Variants in LRP1B observed in about 807,000 individuals in gnomAD.
LRP1B encodes LDL receptor related protein 1B, also known as low-density lipoprotein receptor-related protein 1B.
A neutral mutation model predicts 556.6 loss-of-function variants in LRP1B; 217 were observed. The observed-to-expected ratio is 0.39, with a 90% CI of 0.35 to 0.44. LRP1B has a LOEUF of 0.44. Ranked by LOEUF, LRP1B falls within the 20% of genes least tolerant of loss-of-function variation. LRP1B has a pLI of 1.00. For missense variants in LRP1B, 5,053 were observed against 5,620.8 expected (o/e 0.90, Z 3.23); for synonymous variants, 2,047 against 1,865.8 (o/e 1.10, Z -2.50).
At chr2:142,128,164 C>T (rs983042622) in intron 1 of LRP1B, among the ~76,000 whole-genome samples, 2 of 152,096 alleles carry the variant, frequency 1.3e-5, no homozygotes, top group African/African-American at 4.8e-5. Context: ...GAGTTAGTTT[C>T]AAGCCTTGTT....
Position 140,699,786 on chromosome 2 carries a change from T to C in LRP1B, c.6799+464A>G, listed in dbSNP as rs919682483. On this transcript the variant is annotated intron_variant, in intron 41 of 90. Transcript: ENST00000389484. ...TGCTACATATACATGATATATCATA[T>C]ATAATATATATTATATATATATTTT... 3.4e-5 allele frequency among the ~76,000 whole-genome samples: 5 copies of C among 147,632 alleles called. No homozygotes were observed. The South Asian group carries it at 1.0e-3, about 31-fold the overall frequency.
rs1492387 is a variant in LRP1B at position 140,285,469 on chromosome 2, A to G, written c.12968-10871T>C. ...AACAGATTATGTAGAAGTGATTATT[A>G]TTTAATCAGAATTCACTAAAATATT... On this transcript the variant is annotated intron_variant, in intron 84 of 90. Transcript: ENST00000389484. Among the ~76,000 whole-genome samples, 977 of 151,636 alleles carry G rather than the reference A, an allele frequency of 6.4e-3. 10 individuals carry two copies. Among genetic ancestry groups the G allele is most frequent in the African/African-American group, 0.021 (857 of 41,466 alleles).
rs1331480695 is a variant in LRP1B, at chr2:140,769,223, A to T, written c.5748T>A (p.Asp1916Glu). Residue 1916 changes from aspartate to glutamate, a missense_variant, in exon 35 of 91, where the codon GAT (aspartate) becomes GAA (glutamate). Around this residue, in one of 5 missense-constraint regions of LRP1B, gnomAD observed 3,619 missense variants for 3,931.9 expected, o/e 0.92. Transcript: ENST00000389484. Reference protein sequence around the residue: ...ISGTSFAVGIDFHAENDTIYW... With the variant: ...ISGTSFAVGIEFHAENDTIYW... The stretch of plus-strand genomic sequence containing the variant: ...TAAAAAGCTATTTACCTGCATGGAA[A>T]TCTATTCCCACGGCAAATGAAGTTC... 2 of 1,611,558 alleles carry T rather than the reference A, an allele frequency of 1.2e-6. No homozygotes were observed. The highest frequency in any genetic ancestry group is 1.7e-6 in the Non-Finnish European group (2 of 1,178,404).
chr2:140,397,185 ATC>A (rs1258434229), intron 66 of LRP1B, among the ~76,000 whole-genome samples: 1 of 152,006 alleles, frequency 6.6e-6, no homozygotes, highest in African/African-American at 2.4e-5. Context: ...ATTTTTTCTA[ATC>A]TCTATTTTTA....
In LRP1B at chr2:140,700,340, C is replaced by G. The variant is rs1686587070; in HGVS notation, c.6709G>C (p.Gly2237Arg). The change falls in exon 41 of 91, where the codon GGT (glycine) becomes CGT (arginine). Residue 2237 changes from glycine (G) to arginine (R), a missense_variant. Gly to Arg is a moderately radical substitution (Grantham distance 125). Transcript: ENST00000389484. ...LAFDYNQRRK[G>R]TNRIFYSDAH... ...TCACTGTAAAAGATTCGGTTGGTAC[C>G]TTTTCTTCTTTGATTATAGTCAAAA... 1.2e-6 allele frequency: 2 copies of G among 1,612,930 alleles called. No homozygotes were observed. The highest frequency in any genetic ancestry group is 2.7e-5 in the African/African-American group (2 of 74,890).
chr2:140,250,338 C>T (rs1407991165), intron 86 of LRP1B, among the ~76,000 whole-genome samples: 1 of 151,676 alleles, frequency 6.6e-6, no homozygotes, highest in Non-Finnish European at 1.5e-5. Flanking sequence ...ATCATTGGAT[C>T]AGGAACAGAT....
At chr2:142,093,846 G>A (rs1330067801) in intron 1 of LRP1B, among the ~76,000 whole-genome samples, 1 of 152,070 alleles carries the variant, frequency 6.6e-6, no homozygotes, top group African/African-American at 2.4e-5. Context: ...AGAAGATATG[G>A]TGCAGGCAAT....
intron 29 of LRP1B, among the ~76,000 whole-genome samples, chr2:140,848,398 T>C (rs1224522514): frequency 6.6e-6 from 1 of 152,190 alleles, no homozygotes; most frequent in Non-Finnish European, 1.5e-5. Flanking sequence ...AACCATTCAA[T>C]AAATTTTTTT....
At chr2:142,036,614 T>C (rs1417636226) in intron 1 of LRP1B, among the ~76,000 whole-genome samples, 4 of 151,734 alleles carry the variant, frequency 2.6e-5, no homozygotes, top group Non-Finnish European at 5.9e-5. Flanking sequence ...TACAATCTTA[T>C]AAATTAAAAC....
chr2:141,890,323 C>CATACATATATATATATATATAT (rs1170715951), intron 1 of LRP1B, among the ~76,000 whole-genome samples: 1 of 83,818 alleles, frequency 1.2e-5, no homozygotes, highest in African/African-American at 4.4e-5. Flanking sequence ...GGGCACAATA[C>CATACATATATATATATATATAT]ATATATATAT....
At chr2:141,099,240 T>G (rs1032123999) in intron 7 of LRP1B, among the ~76,000 whole-genome samples, 4 of 152,202 alleles carry the variant, frequency 2.6e-5, no homozygotes, top group Non-Finnish European at 4.4e-5. Context: ...AAAAAAACTC[T>G]TAAAATAGCC....
intron 3 of LRP1B, among the ~76,000 whole-genome samples, chr2:141,466,716 C>T (rs549325833): frequency 4.6e-5 from 7 of 152,116 alleles, no homozygotes; most frequent in African/African-American, 1.4e-4. Flanking sequence ...AGGATGAAAG[C>T]CAAGTGACAA....
intron 11 of LRP1B, among the ~76,000 whole-genome samples, chr2:141,041,507 AC>A (rs1377361542): frequency 6.6e-6 from 1 of 151,760 alleles, no homozygotes; most frequent in East Asian, 2.0e-4. Context: ...CATAGTCATG[AC>A]CCCTACTTCC....
chr2:140,867,999 A>G (rs1043439297), intron 26 of LRP1B, 100 bp downstream of exon 26: 1 of 1,331,334 alleles, frequency 7.5e-7, no homozygotes, highest in African/African-American at 1.5e-5. Flanking sequence ...TCCAATTTTA[A>G]TATATGTATA....
chr2:140,606,652 T>C (rs1275115053), intron 41 of LRP1B, among the ~76,000 whole-genome samples: 1 of 152,006 alleles, frequency 6.6e-6, no homozygotes, highest in African/African-American at 2.4e-5. Flanking sequence ...TGAATAAGAA[T>C]AGACACAGCT....
chr2:141,179,688 G>A (rs1015495849), intron 7 of LRP1B, among the ~76,000 whole-genome samples: 6 of 151,508 alleles, frequency 4.0e-5, no homozygotes, highest in African/African-American at 1.2e-4. Context: ...CCAACACCAC[G>A]ACCACCATTA....
chr2:140,662,429 G>C (rs1685129802), intron 41 of LRP1B, among the ~76,000 whole-genome samples: 1 of 151,902 alleles, frequency 6.6e-6, no homozygotes, highest in South Asian at 2.1e-4. Context: ...AATAATACAA[G>C]GGAACTTAAA....
chr2:140,516,092 A>G (rs1315447919), intron 50 of LRP1B, among the ~76,000 whole-genome samples: 1 of 152,076 alleles, frequency 6.6e-6, no homozygotes, highest in African/African-American at 2.4e-5. Context: ...ATTAGGAGGT[A>G]GAAGATGAAA....
At chr2:141,712,476 C>T (rs911029505) in intron 2 of LRP1B, among the ~76,000 whole-genome samples, 2 of 151,824 alleles carry the variant, frequency 1.3e-5, no homozygotes, top group Non-Finnish European at 2.9e-5. Flanking sequence ...AAGGAGTGGC[C>T]GTGGGATCCT....
Sources: gnomAD v4.1 joint callset for allele counts (sites outside exome capture counted in the v4.1 genomes callset) on GRCh38, gnomAD v4.1.1 for gene constraint, gnomAD v4.1.1 regional missense constraint, MANE v1.5 for transcripts, NCBI Gene and HGNC (gene_info 2026-07-23, HGNC 2026-07-21) for gene names.